The following SPOCK3 variants were observed in gnomAD, a reference collection of about 807,000 sequenced individuals.
The protein encoded by SPOCK3 is testican-3.
A neutral mutation model predicts 56.6 loss-of-function variants in SPOCK3; 30 were observed. The ratio of observed to expected loss-of-function variants is 0.53; its 90% CI spans 0.40 to 0.72. The LOEUF (loss-of-function observed/expected upper bound fraction) is 0.72. Ranked by LOEUF, SPOCK3 falls within the 30% of genes least tolerant of loss-of-function variation. The pLI is 0.00. For missense variants in SPOCK3, 527 were observed against 530.0 expected (o/e 0.99, Z 0.06); for synonymous variants, 196 against 183.3 (o/e 1.07, Z -0.56).
chr4:167,055,143 A>T (rs1754656919), intron 3 of SPOCK3, among the ~76,000 whole-genome samples: 1 of 152,010 alleles, frequency 6.6e-6, no homozygotes, highest in Non-Finnish European at 1.5e-5. Flanking sequence ...TTTAGAAAAC[A>T]TGCAAACCTC....
chr4:167,115,681 T>G (rs1415350581), intron 2 of SPOCK3, among the ~76,000 whole-genome samples: 4 of 152,046 alleles, frequency 2.6e-5, no homozygotes, highest in Admixed American at 6.6e-5. Context: ...AAAATGCAGT[T>G]GTTAGGAAGT....
intron 2 of SPOCK3, among the ~76,000 whole-genome samples, chr4:167,233,583 T>C (rs1737406744): frequency 6.6e-6 from 1 of 152,068 alleles, no homozygotes; most frequent in African/African-American, 2.4e-5. Context: ...AATGGACCAT[T>C]AGTGACAGGA....
At chr4:166,793,406 C>A (rs757580873) in intron 6 of SPOCK3, among the ~76,000 whole-genome samples, 23 of 152,134 alleles carry the variant, frequency 1.5e-4, no homozygotes, top group Non-Finnish European at 2.2e-4. Flanking sequence ...TCTTAGGCAA[C>A]AAATAAAATA....
chr4:166,806,298 G>T (rs1743158722), intron 6 of SPOCK3, among the ~76,000 whole-genome samples: 1 of 151,958 alleles, frequency 6.6e-6, no homozygotes, highest in African/African-American at 2.4e-5. Context: ...GAAGCTTTTT[G>T]ATTACAATCA....
At chr4:166,976,587 T>G (rs2150083842) in intron 4 of SPOCK3, among the ~76,000 whole-genome samples, 1 of 152,322 alleles carries the variant, frequency 6.6e-6, no homozygotes, top group African/African-American at 2.4e-5. Context: ...CCATACTCAA[T>G]GCAGCCATCC....
intron 2 of SPOCK3, among the ~76,000 whole-genome samples, chr4:167,066,689 G>T (rs1756172131): frequency 6.6e-6 from 1 of 151,538 alleles, no homozygotes; most frequent in Non-Finnish European, 1.5e-5. Context: ...ATATAACTAT[G>T]CTGTCATATG....
chr4:167,048,929 G>A (rs1362992741), intron 3 of SPOCK3, among the ~76,000 whole-genome samples: 1 of 152,084 alleles, frequency 6.6e-6, no homozygotes. Context: ...AAGAATTACT[G>A]GTGGTTGAAC....
intron 5 of SPOCK3, among the ~76,000 whole-genome samples, chr4:166,889,970 G>A (rs1347936726): frequency 6.6e-6 from 1 of 151,874 alleles, no homozygotes; most frequent in African/African-American, 2.4e-5. Context: ...TTTTTGGTGT[G>A]ATGATGTGCT....
At chr4:166,833,038 A>G (rs1035745876) in intron 6 of SPOCK3, among the ~76,000 whole-genome samples, 1 of 152,200 alleles carries the variant, frequency 6.6e-6, no homozygotes, top group Non-Finnish European at 1.5e-5. Flanking sequence ...CTGCACATGT[A>G]CCCCTGAATC....
At position 166,792,098 on chromosome 4, in the gene SPOCK3, G is replaced by T. The variant is rs557240332; in HGVS notation, c.709+72C>A. On this transcript the variant is annotated intron_variant, in intron 7 of 10. Transcript: ENST00000357545. ...GAATAAATACTGAAATATGTGTTTT[G>T]TTCTAAGTGGTTCATTGGAAATAAA... 80 of 1,551,804 alleles carry T rather than the reference G, an allele frequency of 5.2e-5. 1 individual carries two copies. The South Asian group carries it at 6.0e-4, about 12-fold the overall frequency.
At chr4:166,937,370 T>C (rs1465822482) in intron 4 of SPOCK3, among the ~76,000 whole-genome samples, 1 of 149,844 alleles carries the variant, frequency 6.7e-6, no homozygotes, top group Non-Finnish European at 1.5e-5. Context: ...TATATACATA[T>C]ACATATATAT....
intron 2 of SPOCK3, among the ~76,000 whole-genome samples, chr4:167,088,460 A>AT (rs1758400479): frequency 3.5e-5 from 5 of 142,086 alleles, no homozygotes; most frequent in African/African-American, 1.3e-4. Flanking sequence ...ACCTATGAAA[A>AT]CTTTTTTTTT....
At chr4:166,762,004 T>C (rs535960630) in intron 7 of SPOCK3, among the ~76,000 whole-genome samples, 1 of 152,060 alleles carries the variant, frequency 6.6e-6, no homozygotes, top group South Asian at 2.1e-4. Context: ...AATGCTCATA[T>C]CTGTGAATCA....
At chr4:167,189,751 G>C (rs1732318207) in intron 2 of SPOCK3, among the ~76,000 whole-genome samples, 1 of 145,422 alleles carries the variant, frequency 6.9e-6, no homozygotes, top group African/African-American at 2.6e-5. Flanking sequence ...TCTCATAATT[G>C]AAAGTTTGTA....
intron 6 of SPOCK3, among the ~76,000 whole-genome samples, chr4:166,839,982 G>C (rs145104642): frequency 6.6e-6 from 1 of 152,308 alleles, no homozygotes; most frequent in East Asian, 1.9e-4. Context: ...ACTTTGCTTT[G>C]AGCTTGCGTT....
chr4:166,895,128 T>C (rs942273892), intron 5 of SPOCK3, among the ~76,000 whole-genome samples: 8 of 152,114 alleles, frequency 5.3e-5, no homozygotes, highest in African/African-American at 1.7e-4. Context: ...TGCTTTCAAT[T>C]AAAATAGCTT....
In SPOCK3 at chr4:167,116,909, G is replaced by GTATATATATA. The variant is rs1446671235; in HGVS notation, c.190-54373_190-54372insTATATATATA. On this transcript the variant is annotated intron_variant, in intron 2 of 10. Transcript: ENST00000357545. ...TATACATATATACTTTTGTGTGTGT[G>GTATATATATA]TGTGTATATATATATATATATATAC... 9.9e-3 allele frequency among the ~76,000 whole-genome samples: 1,221 copies of GTATATATATA among 123,368 alleles called. 16 individuals carry two copies. The highest frequency in any genetic ancestry group is 0.013 in the Non-Finnish European group (754 of 56,628). The allele number at this position is 123,368 out of a possible 152,430, so 80.9% of individuals were successfully genotyped here.
At chr4:166,800,312 C>G (rs1742446200) in intron 6 of SPOCK3, among the ~76,000 whole-genome samples, 1 of 150,448 alleles carries the variant, frequency 6.6e-6, no homozygotes, top group South Asian at 2.1e-4. Context: ...AAGAAATAAA[C>G]CAAGCAAACC....
intron 6 of SPOCK3, among the ~76,000 whole-genome samples, chr4:166,815,657 A>G (rs931722538): frequency 1.3e-5 from 2 of 151,996 alleles, no homozygotes; most frequent in African/African-American, 2.4e-5. Context: ...GTGGGCACCT[A>G]TAAGCCCAGC....
Sources: gnomAD v4.1 joint callset for allele counts (sites outside exome capture counted in the v4.1 genomes callset) on GRCh38, gnomAD v4.1.1 for gene constraint, MANE v1.5 for transcripts, NCBI Gene and HGNC (gene_info 2026-07-23, HGNC 2026-07-21) for gene names.